The following GLRA3 variants were observed in gnomAD, a reference collection of about 807,000 sequenced individuals.
GLRA3 encodes glycine receptor subunit alpha-3.
In GLRA3, 44 loss-of-function variants were observed where a neutral mutation model predicts 60.4. The observed-to-expected ratio is 0.73, with a 90% CI of 0.57 to 0.94. The LOEUF is 0.94. GLRA3 is among the 40% of genes least tolerant of loss of function. The pLI is 0.00. For synonymous variants in GLRA3, 223 were observed against 192.9 expected (o/e 1.16, Z -1.29); for missense variants, 508 against 564.6 (o/e 0.90, Z 1.02).
chr4:174,810,223 A>G (rs1326174470), intron 1 of GLRA3, among the ~76,000 whole-genome samples: 1 of 152,154 alleles, frequency 6.6e-6, no homozygotes, highest in East Asian at 1.9e-4. Context: ...AGAACAGAGC[A>G]AAGGACAATC....
chr4:174,827,919 A>T (rs999134891), intron 1 of GLRA3, among the ~76,000 whole-genome samples: 16 of 152,132 alleles, frequency 1.1e-4, no homozygotes, highest in Non-Finnish European at 1.9e-4. Context: ...ATGGTAATTA[A>T]TTGTAACAGT....
chr4:174,714,515 A>G (rs1735834741), intron 5 of GLRA3, among the ~76,000 whole-genome samples: 1 of 152,230 alleles, frequency 6.6e-6, no homozygotes, highest in South Asian at 2.1e-4. Context: ...AGAGAAATTG[A>G]TATTTCCACT....
chr4:174,662,178 G>A (rs775504362), intron 7 of GLRA3, among the ~76,000 whole-genome samples: 14 of 152,174 alleles, frequency 9.2e-5, no homozygotes, highest in Non-Finnish European at 1.9e-4. Flanking sequence ...CTTTTGTGGA[G>A]TGAGCATGAG....
At chr4:174,673,105 GA>G (rs36020896) in intron 7 of GLRA3, among the ~76,000 whole-genome samples, 7 of 151,460 alleles carry the variant, frequency 4.6e-5, no homozygotes, top group African/African-American at 1.7e-4. Flanking sequence ...GAAACAGGAT[GA>G]AAAAAAATGA....
intron 1 of GLRA3, among the ~76,000 whole-genome samples, chr4:174,826,934 G>T (rs1740995329): frequency 6.9e-6 from 1 of 145,472 alleles, no homozygotes. Context: ...AAGTGAAAAT[G>T]CTTAATTTTT....
At chr4:174,714,183 CCAAA>C (rs1735822826) in intron 5 of GLRA3, among the ~76,000 whole-genome samples, 1 of 152,120 alleles carries the variant, frequency 6.6e-6, no homozygotes, top group Non-Finnish European at 1.5e-5. Context: ...ACAGCAAGGA[CCAAA>C]CAATTTTCTT....
chr4:174,718,913 C>T (rs1294471706), intron 4 of GLRA3, among the ~76,000 whole-genome samples: 1 of 149,644 alleles, frequency 6.7e-6, no homozygotes, highest in Admixed American at 6.7e-5. Flanking sequence ...GCAAAAATTG[C>T]TACAGCTGAA....
chr4:174,639,955 T>G lies in GLRA3; in HGVS notation c.*3831A>C, dbSNP rs1256131494. 1 of 152,142 alleles carries G rather than the reference T, an allele frequency of 6.6e-6. No homozygotes were observed. Among genetic ancestry groups the G allele is most frequent in the African/African-American group, 2.4e-5 (1 of 41,456 alleles). The allele number at this position is 152,142 out of a possible 1,614,324, so 9.4% of individuals were successfully genotyped here. On this transcript the variant is annotated 3_prime_UTR_variant, in exon 10 of 10. Transcript: ENST00000274093. The stretch of plus-strand genomic sequence containing the variant: ...GCAATGGGTATTATGGGTACTTTAT[T>G]TGCAAGAGGGAATCTGTGTGAACAT...
chr4:174,808,496 ATGTTAC>A (rs1307791702), intron 1 of GLRA3, among the ~76,000 whole-genome samples: 1 of 152,150 alleles, frequency 6.6e-6, no homozygotes, highest in Non-Finnish European at 1.5e-5. Flanking sequence ...ATGATAATAA[ATGTTAC>A]TGGTTTATAT....
intron 5 of GLRA3, among the ~76,000 whole-genome samples, chr4:174,707,396 A>T (rs376628183): frequency 9.2e-5 from 14 of 152,190 alleles, no homozygotes; most frequent in African/African-American, 2.2e-4. Context: ...TGGATGGGGG[A>T]CATAGAACTT....
chr4:174,810,350 T>C (rs1740214036), intron 1 of GLRA3, among the ~76,000 whole-genome samples: 1 of 151,998 alleles, frequency 6.6e-6, no homozygotes, highest in Non-Finnish European at 1.5e-5. Context: ...GAACAAATTC[T>C]CAAGGCAACT....
intron 1 of GLRA3, among the ~76,000 whole-genome samples, chr4:174,827,117 G>A (rs1234286773): frequency 2.6e-5 from 4 of 151,378 alleles, no homozygotes; most frequent in Admixed American, 2.0e-4. Flanking sequence ...GTACATTTTT[G>A]GGCTTCTCAT....
At chr4:174,683,252 A>G (rs2110977434) in intron 5 of GLRA3, among the ~76,000 whole-genome samples, 1 of 152,318 alleles carries the variant, frequency 6.6e-6, no homozygotes, top group South Asian at 2.1e-4. Context: ...TTAATTTTGT[A>G]ATTTTCATTT....
At chr4:174,766,849 T>G (rs1243744539) in intron 3 of GLRA3, 114 bp downstream of exon 3, 1 of 594,498 alleles carries the variant, frequency 1.7e-6, no homozygotes, top group Admixed American at 2.7e-5. Context: ...ACTATTAATT[T>G]TACATTTTAA....
At chr4:174,814,428 C>T (rs1223224974) in intron 1 of GLRA3, among the ~76,000 whole-genome samples, 1 of 152,178 alleles carries the variant, frequency 6.6e-6, no homozygotes, top group Non-Finnish European at 1.5e-5. Flanking sequence ...CAAGCTGCTT[C>T]TCTCTGATGT....
chr4:174,721,213 G>A (rs1736118203), intron 4 of GLRA3, among the ~76,000 whole-genome samples: 1 of 152,032 alleles, frequency 6.6e-6, no homozygotes, highest in Non-Finnish European at 1.5e-5. Flanking sequence ...ATTTTTAGTA[G>A]AGACGGGGTT....
chr4:174,795,046 T>C (rs922981249), intron 1 of GLRA3, among the ~76,000 whole-genome samples: 5 of 150,572 alleles, frequency 3.3e-5, no homozygotes, highest in Admixed American at 2.7e-4. Context: ...TATATATTTA[T>C]ATTGTATATA....
At chr4:174,772,895 A>T (rs1219241675) in intron 2 of GLRA3, among the ~76,000 whole-genome samples, 1 of 152,192 alleles carries the variant, frequency 6.6e-6, no homozygotes, top group African/African-American at 2.4e-5. Flanking sequence ...GAGATAGATT[A>T]CAAAGAATGA....
intron 3 of GLRA3, among the ~76,000 whole-genome samples, chr4:174,765,398 A>G (rs1738101629): frequency 6.6e-6 from 1 of 152,074 alleles, no homozygotes; most frequent in South Asian, 2.1e-4. Context: ...GTAAGACTTT[A>G]AATCTTTCCA....
Sources: allele counts gnomAD v4.1 joint callset (sites outside exome capture counted in the v4.1 genomes callset), GRCh38; gene constraint gnomAD v4.1.1; transcripts MANE v1.5; gene names NCBI Gene and HGNC (gene_info 2026-07-23, HGNC 2026-07-21).